The following CFAP54 variants were observed in gnomAD, a reference collection of about 807,000 sequenced individuals.
CFAP54 encodes cilia- and flagella-associated protein 54.
Under a neutral mutation model 370.4 loss-of-function variants are expected in CFAP54, and 290 were observed. The ratio of observed to expected loss-of-function variants is 0.78; its 90% CI spans 0.71 to 0.86. The LOEUF is 0.86. Among genes scored for constraint, CFAP54 ranks in the 40% least tolerant of loss-of-function variants. The pLI is 0.00. For synonymous variants in CFAP54, 1,206 were observed against 1,236.5 expected (o/e 0.98, Z 0.52); for missense variants, 3,399 against 3,528.7 (o/e 0.96, Z 0.93).
chr12:96,829,000 CT>C lies in CFAP54; in HGVS notation c.9097-12del. 2 of 1,414,382 alleles carry C rather than the reference CT, an allele frequency of 1.4e-6. No individual in the cohort carries two copies. The highest frequency in any genetic ancestry group is 1.9e-6 in the Non-Finnish European group (2 of 1,041,386). 87.6% of individuals were successfully genotyped at this position (1,414,382 alleles called of 1,614,324 possible). ...AATATCAACCTCACTGTATTACTAT[CT>C]TCTTATTTCTAGGACATGATTATTC... On this transcript the variant is annotated splice_polypyrimidine_tract_variant and intron_variant, in intron 65 of 67. Coordinates refer to ENST00000524981, the MANE Select transcript of CFAP54 (RefSeq NM_001306084.2).
At chr12:96,629,251 A>G (rs936051388) in intron 30 of CFAP54, among the ~76,000 whole-genome samples, 3 of 152,106 alleles carry the variant, frequency 2.0e-5, no homozygotes, top group African/African-American at 7.2e-5. Context: ...GGGAGCTTTT[A>G]TTATACGATT....
intron 39 of CFAP54, among the ~76,000 whole-genome samples, chr12:96,669,832 A>G (rs1957123963): frequency 6.6e-6 from 1 of 152,156 alleles, no homozygotes. Context: ...TTTAGTCATC[A>G]ATGTATTGGT....
rs563394104 is a variant in CFAP54, at chr12:96,533,561, T to G, written c.1358-231T>G. Reference sequence around the variant, plus strand: ...GATTCCATTCTCTTTCCCCTGAGTATCCTTCCCTAACTGCCCTCCTTCCCC... The same window carrying G: ...GATTCCATTCTCTTTCCCCTGAGTAGCCTTCCCTAACTGCCCTCCTTCCCC... On this transcript the variant is annotated intron_variant, in intron 9 of 67. Transcript: ENST00000524981. Among the ~76,000 whole-genome samples the G allele has an allele frequency of 1.7e-3, 260 of 152,270 alleles. 2 individuals are homozygous for G. The highest frequency in any genetic ancestry group is 6.0e-3 in the African/African-American group (249 of 41,562).
At chr12:96,752,386 C>G (rs1439945604) in intron 55 of CFAP54, among the ~76,000 whole-genome samples, 1 of 152,078 alleles carries the variant, frequency 6.6e-6, no homozygotes, top group Non-Finnish European at 1.5e-5. Flanking sequence ...ACGCTCAAGG[C>G]TTGGAGGCAT....
At chr12:96,558,360 C>A (rs1955777287) in intron 17 of CFAP54, among the ~76,000 whole-genome samples, 1 of 152,082 alleles carries the variant, frequency 6.6e-6, no homozygotes, top group African/African-American at 2.4e-5. Flanking sequence ...TCCTTGTTTG[C>A]AGATGATAAC....
At chr12:96,801,498 G>C (rs549502899) in intron 63 of CFAP54, among the ~76,000 whole-genome samples, 59 of 152,094 alleles carry the variant, frequency 3.9e-4, no homozygotes, top group African/African-American at 1.4e-3. Context: ...AGCTGCAAAG[G>C]GTGGTTTATT....
intron 66 of CFAP54, among the ~76,000 whole-genome samples, chr12:96,856,796 C>T (rs1468131727): frequency 1.3e-5 from 2 of 151,194 alleles, no homozygotes; most frequent in Non-Finnish European, 2.9e-5. Context: ...CAACCTCTGC[C>T]TGTTACTCAC....
At chr12:96,764,968 A>G (rs527376994) in intron 59 of CFAP54, 109 bp from the exon 60 acceptor site, 12 of 827,402 alleles carry the variant, frequency 1.5e-5, no homozygotes, top group Middle Eastern at 4.2e-4. Flanking sequence ...CCTCCAATGT[A>G]TAAGGAATAT....
At chr12:96,810,256 T>G (rs1237263000) in intron 63 of CFAP54, among the ~76,000 whole-genome samples, 1 of 152,186 alleles carries the variant, frequency 6.6e-6, no homozygotes, top group Non-Finnish European at 1.5e-5. Context: ...TCCTTTCTGC[T>G]GAGTCAGCTT....
chr12:96,515,912 G>GTTTTTTT (rs71437221), intron 5 of CFAP54, among the ~76,000 whole-genome samples: 86 of 108,226 alleles, frequency 7.9e-4, no homozygotes, highest in African/African-American at 9.7e-4. Flanking sequence ...TTACCTCTAT[G>GTTTTTTT]TTTTTTTTTT....
intron 66 of CFAP54, among the ~76,000 whole-genome samples, chr12:96,853,777 A>G (rs1269789801): frequency 6.6e-6 from 1 of 152,126 alleles, no homozygotes; most frequent in African/African-American, 2.4e-5. Flanking sequence ...ACAAGGATTA[A>G]TAACTCCTGG....
At chr12:96,859,418 T>G (rs1959807902) in intron 66 of CFAP54, among the ~76,000 whole-genome samples, 1 of 151,806 alleles carries the variant, frequency 6.6e-6, no homozygotes, top group Non-Finnish European at 1.5e-5. Flanking sequence ...TGTTTTGTTT[T>G]TTGTTTTTTT....
chr12:96,686,187 G>C (rs1957327956), intron 42 of CFAP54, among the ~76,000 whole-genome samples: 3 of 152,106 alleles, frequency 2.0e-5, no homozygotes, highest in Admixed American at 2.0e-4. Context: ...CTCTCTTCTT[G>C]GCTTGTAGAA....
chr12:96,673,089 G>A (rs1484763404), intron 39 of CFAP54, among the ~76,000 whole-genome samples: 1 of 152,134 alleles, frequency 6.6e-6, no homozygotes, highest in Non-Finnish European at 1.5e-5. Flanking sequence ...ATTAGAACAG[G>A]AATATTTGAA....
chr12:96,674,857 A>G (rs1179857145), intron 39 of CFAP54, among the ~76,000 whole-genome samples: 1 of 152,216 alleles, frequency 6.6e-6, no homozygotes, highest in Non-Finnish European at 1.5e-5. Flanking sequence ...TATTTAATAA[A>G]TGGTGCTGGG....
intron 27 of CFAP54, among the ~76,000 whole-genome samples, 173 bp downstream of exon 27, chr12:96,621,894 T>TTTTTTTTTTTTTTTTG (rs1956498726): frequency 1.5e-5 from 2 of 137,412 alleles, no homozygotes; most frequent in East Asian, 4.4e-4. Flanking sequence ...TTTTTTTTTT[T>TTTTTTTTTTTTTTTTG]TTTTTTTTTT....
intron 14 of CFAP54, among the ~76,000 whole-genome samples, chr12:96,544,854 G>A (rs138816483): frequency 2.0e-5 from 3 of 152,060 alleles, no homozygotes; most frequent in East Asian, 1.9e-4. Flanking sequence ...GTCTGAGGTG[G>A]CACAGAGCAT....
intron 50 of CFAP54, among the ~76,000 whole-genome samples, chr12:96,720,925 C>G (rs970487881): frequency 6.6e-6 from 1 of 151,694 alleles, no homozygotes; most frequent in African/African-American, 2.4e-5. Flanking sequence ...GAGGCTAAGG[C>G]AGGAGAATCA....
intron 62 of CFAP54, among the ~76,000 whole-genome samples, chr12:96,791,496 C>G (rs1164045670): frequency 6.6e-6 from 1 of 152,126 alleles, no homozygotes; most frequent in Non-Finnish European, 1.5e-5. Context: ...CCACATTCAT[C>G]AAGGACAAAA....
Sources: gnomAD v4.1 joint callset for allele counts (sites outside exome capture counted in the v4.1 genomes callset) on GRCh38, gnomAD v4.1.1 for gene constraint, MANE v1.5 for transcripts, NCBI Gene and HGNC (gene_info 2026-07-23, HGNC 2026-07-21) for gene names.